The following COL4A3 variants were observed in gnomAD, a reference collection of about 807,000 sequenced individuals.
COL4A3 encodes collagen alpha-3(IV) chain.
In COL4A3, 135 loss-of-function variants were observed where a neutral mutation model predicts 217.4. The ratio of observed to expected loss-of-function variants is 0.62; its 90% CI spans 0.54 to 0.72. The LOEUF is 0.72. Among genes scored for constraint, COL4A3 ranks in the 30% least tolerant of loss-of-function variants. The probability of loss-of-function intolerance (pLI) is 0.00; values close to 1 mark genes in which losing one functional copy is unlikely to be tolerated. For synonymous variants in COL4A3, 690 were observed against 736.3 expected, an observed-to-expected ratio of 0.94 and a Z score of 1.02; for missense variants, 1,868 against 2,119.9, an observed-to-expected ratio of 0.88 and a Z score of 2.33.
chr2:227,254,579 G>A (rs2070029608), intron 14 of COL4A3, 77 bp from the exon 15 acceptor site: 7 of 1,150,320 alleles, frequency 6.1e-6, no homozygotes, highest in Non-Finnish European at 9.2e-6. Flanking sequence ...ATAACCAAAA[G>A]GGACAAATTA....
chr2:227,184,301 T>A (rs1432042708), intron 1 of COL4A3, among the ~76,000 whole-genome samples: 3 of 152,162 alleles, frequency 2.0e-5, no homozygotes, highest in South Asian at 4.1e-4. Flanking sequence ...GGAGACTGAG[T>A]TGCTGGTTAA....
chr2:227,217,470 T>C (rs941431724), intron 1 of COL4A3, among the ~76,000 whole-genome samples: 4 of 152,220 alleles, frequency 2.6e-5, no homozygotes, highest in Non-Finnish European at 5.9e-5. Flanking sequence ...TTAGCCACAA[T>C]GTTAACCTGA....
rs114873080 is a variant in COL4A3 at position 227,253,754 on chromosome 2, C to T, written c.765+116C>T. ...ATCTAAGTCCAGCTCAGCCCAGCTC[C>T]CTCAGCCAGCCAGAACCTCCAGGAT... On this transcript the variant is annotated intron_variant, in intron 13 of 51. Coordinates refer to ENST00000396578, the MANE Select transcript of COL4A3 (RefSeq NM_000091.5). This position sits in a 1 kb window ranked among gnomAD's most constrained non-coding sequence, Gnocchi z 4.4. The T allele has an allele frequency of 4.0e-4, 364 of 905,942 alleles. 3 individuals are homozygous for T. In the African/African-American group the frequency reaches 5.3e-3, roughly 13 times the overall value. 56.1% of individuals were successfully genotyped at this position (905,942 alleles called of 1,614,324 possible).
chr2:227,169,461 G>A (rs1446423729), intron 1 of COL4A3, among the ~76,000 whole-genome samples: 4 of 150,750 alleles, frequency 2.7e-5, no homozygotes, highest in South Asian at 2.1e-4. Context: ...CTGAGGAATC[G>A]CCACACTGAC....
Position 227,257,624 on chromosome 2 carries a change from C to T in COL4A3, c.1009C>T (p.Pro337Ser), listed in dbSNP as rs2070270599. The T allele has an allele frequency of 9.9e-6, 16 of 1,613,628 alleles. No homozygotes were observed. The highest frequency in any genetic ancestry group is 1.4e-5 in the Non-Finnish European group (16 of 1,179,728). ...GTAGGGACAGAAAGGGGACATTGGC[C>T]CTCCAGGATTTCGTGGTCCAGTAAG... ...GIKGQKGDIG[P>S]PGFRGPTEYY... Residue 337 changes from proline to serine, a missense_variant, in exon 18 of 52, where the codon CCT becomes TCT. By Grantham distance (74) the Pro-to-Ser change is moderately conservative. Around this residue, in one of 2 missense-constraint regions of COL4A3, gnomAD observed 1,503 missense variants for 1,786.1 expected, o/e 0.84. Transcript: ENST00000396578.
chr2:227,237,480 T>C (rs1307151576), intron 1 of COL4A3, among the ~76,000 whole-genome samples: 3 of 152,172 alleles, frequency 2.0e-5, no homozygotes, highest in Non-Finnish European at 2.9e-5. Flanking sequence ...AAAAGGTACA[T>C]ATACATGTAT....
intron 1 of COL4A3, among the ~76,000 whole-genome samples, chr2:227,194,716 G>A (rs1442388503): frequency 1.3e-5 from 2 of 152,094 alleles, no homozygotes; most frequent in African/African-American, 2.4e-5. Flanking sequence ...AAGCAAAAAC[G>A]TAAAAAGAAG....
At chr2:227,193,597 A>AGCTACTTGG (rs201234341) in intron 1 of COL4A3, among the ~76,000 whole-genome samples, 6,365 of 152,004 alleles carry the variant, frequency 0.042, 247 homozygotes, top group Admixed American at 0.12. Flanking sequence ...CTGTAATCCC[A>AGCTACTTGG]GCTACTTGGG....
chr2:227,209,569 G>A (rs915732355), intron 1 of COL4A3, among the ~76,000 whole-genome samples: 5 of 152,236 alleles, frequency 3.3e-5, no homozygotes, highest in Admixed American at 6.5e-5. Context: ...GCTGGGCACA[G>A]TGACTCACAC....
chr2:227,206,727 G>A (rs1351974526), intron 1 of COL4A3, among the ~76,000 whole-genome samples: 1 of 152,146 alleles, frequency 6.6e-6, no homozygotes, highest in Non-Finnish European at 1.5e-5. Context: ...TGCACGTGGA[G>A]GTTGGAGAAG....
chr2:227,314,717 G>T lies in COL4A3; in HGVS notation c.*2847G>T, dbSNP rs1469972556. On this transcript the variant is annotated 3_prime_UTR_variant, in exon 52 of 52. Coordinates refer to ENST00000396578, the MANE Select transcript of COL4A3 (RefSeq NM_000091.5). ...CCTGACAAGATTATAATATTTTAAT[G>T]TACTAATATTTCTGTAATTATATCT... is the stretch of plus-strand genomic sequence containing the variant. The T allele has an allele frequency of 6.6e-6, 1 of 151,498 alleles. No homozygotes were observed. The highest frequency in any genetic ancestry group is 1.9e-4 in the East Asian group (1 of 5,188). 9.4% of individuals were successfully genotyped at this position (151,498 alleles called of 1,614,324 possible).
At chr2:227,200,555 G>T (rs2066646698) in intron 1 of COL4A3, among the ~76,000 whole-genome samples, 1 of 152,172 alleles carries the variant, frequency 6.6e-6, no homozygotes, top group Non-Finnish European at 1.5e-5. Flanking sequence ...GGAAGGCGCT[G>T]GTGCATGTTT....
chr2:227,285,548 C>T (rs898085980), intron 34 of COL4A3, among the ~76,000 whole-genome samples: 4 of 152,088 alleles, frequency 2.6e-5, no homozygotes, highest in African/African-American at 9.7e-5. Context: ...CACCAATCTC[C>T]AGTCCTCATA....
At chr2:227,202,954 CAT>C (rs1491485005) in intron 1 of COL4A3, among the ~76,000 whole-genome samples, 294 of 12,850 alleles carry the variant, frequency 0.023, 93 homozygotes, top group Non-Finnish European at 0.031. Context: ...TGTATATATA[CAT>C]ATATGTGTAT....
At position 227,211,649 on chromosome 2, in the gene COL4A3, T is replaced by TTTTATTTATTTATTTATTTATTTA. The variant is rs71036166; in HGVS notation, c.88-26316_88-26293dup. On this transcript the variant is annotated intron_variant, in intron 1 of 51. Transcript: ENST00000396578. ...TAACATTTGGTGCTGTCAGACTTGA[T>TTTTATTTATTTATTTATTTATTTA]TTTATTTATTTATTTATTTATTTAT... Among the ~76,000 whole-genome samples the TTTTATTTATTTATTTATTTATTTA allele has an allele frequency of 6.6e-3, 985 of 150,080 alleles. 6 individuals are homozygous for TTTTATTTATTTATTTATTTATTTA. Among genetic ancestry groups the TTTTATTTATTTATTTATTTATTTA allele is most frequent in the African/African-American group, 0.019 (764 of 40,588 alleles).
chr2:227,182,730 C>G (rs1439265936), intron 1 of COL4A3, among the ~76,000 whole-genome samples: 2 of 152,036 alleles, frequency 1.3e-5, no homozygotes, highest in Admixed American at 6.6e-5. Context: ...GTAATAAAGG[C>G]CTTAACACCC....
intron 15 of COL4A3, among the ~76,000 whole-genome samples, chr2:227,255,709 G>C (rs1362431598): frequency 6.6e-6 from 1 of 151,996 alleles, no homozygotes; most frequent in South Asian, 2.1e-4. Flanking sequence ...CCCAGTGTGT[G>C]TGTGTTTTTT....
chr2:227,195,848 A>G (rs1229479133), intron 1 of COL4A3, among the ~76,000 whole-genome samples: 3 of 151,918 alleles, frequency 2.0e-5, no homozygotes, highest in African/African-American at 2.4e-5. Context: ...AGACAGTAGT[A>G]TTGATGATCC....
intron 1 of COL4A3, among the ~76,000 whole-genome samples, chr2:227,188,217 G>A (rs2066102820): frequency 6.6e-6 from 1 of 150,968 alleles, no homozygotes; most frequent in Non-Finnish European, 1.5e-5. Context: ...CATTGTTAAA[G>A]GACTTTGTAA....
Sources: gnomAD v4.1 joint callset for allele counts (sites outside exome capture counted in the v4.1 genomes callset) on GRCh38, gnomAD v4.1.1 for gene constraint, gnomAD v4.1.1 regional missense constraint, Gnocchi (gnomAD v3.1) non-coding constraint, MANE v1.5 for transcripts, NCBI Gene and HGNC (gene_info 2026-07-23, HGNC 2026-07-21) for gene names.